CCSER1: variants seen among roughly 807,000 people sequenced by gnomAD.
CCSER1 encodes coiled-coil serine rich protein 1, also known as serine-rich coiled-coil domain-containing protein 1.
A neutral mutation model predicts 82.0 loss-of-function variants in CCSER1; 41 were observed. That is an observed-to-expected ratio of 0.50 (90% confidence interval 0.39 to 0.65). CCSER1 has a LOEUF of 0.65. Among genes scored for constraint, CCSER1 ranks in the 30% least tolerant of loss-of-function variants. CCSER1 has a pLI of 0.00. For missense variants in CCSER1, 1,119 were observed against 1,064.2 expected, an observed-to-expected ratio of 1.05 and a Z score of -0.72; for synonymous variants, 414 against 383.9, an observed-to-expected ratio of 1.08 and a Z score of -0.92.
At chr4:90,699,899 C>A (rs1172692469) in intron 6 of CCSER1, among the ~76,000 whole-genome samples, 12 of 151,896 alleles carry the variant, frequency 7.9e-5, no homozygotes, top group Admixed American at 5.9e-4. Flanking sequence ...ACCATGTGAG[C>A]GCATAGCTAG....
At chr4:91,542,294 G>T (rs1215907712) in intron 10 of CCSER1, among the ~76,000 whole-genome samples, 1 of 152,096 alleles carries the variant, frequency 6.6e-6, no homozygotes, top group Non-Finnish European at 1.5e-5. Flanking sequence ...TAGTCATGAA[G>T]TCCTTGTCCA....
chr4:90,758,072 G>A (rs1356948502), intron 7 of CCSER1, among the ~76,000 whole-genome samples: 1 of 151,870 alleles, frequency 6.6e-6, no homozygotes, highest in East Asian at 1.9e-4. Flanking sequence ...CCGAGTAGCT[G>A]GGATTTTAGG....
chr4:91,121,026 A>T (rs944798002), intron 10 of CCSER1, among the ~76,000 whole-genome samples: 1 of 151,862 alleles, frequency 6.6e-6, no homozygotes, highest in African/African-American at 2.4e-5. Flanking sequence ...ATAGAAATGG[A>T]TGTTTAATAA....
intron 10 of CCSER1, among the ~76,000 whole-genome samples, chr4:91,213,833 G>A (rs1737028182): frequency 6.6e-6 from 1 of 152,072 alleles, no homozygotes; most frequent in Non-Finnish European, 1.5e-5. Flanking sequence ...GGTATGTCAT[G>A]TTTTCTCCAC....
intron 5 of CCSER1, among the ~76,000 whole-genome samples, chr4:90,570,687 G>T (rs1478691477): frequency 6.6e-6 from 1 of 152,090 alleles, no homozygotes; most frequent in South Asian, 2.1e-4. Flanking sequence ...CAAGGTCTAG[G>T]AATGGACATG....
chr4:91,109,612 G>T (rs567067579), intron 10 of CCSER1, among the ~76,000 whole-genome samples: 1 of 152,222 alleles, frequency 6.6e-6, no homozygotes, highest in East Asian at 1.9e-4. Context: ...GAATAAAACA[G>T]GTGATAGTCA....
intron 9 of CCSER1, among the ~76,000 whole-genome samples, chr4:91,032,926 A>G (rs759366941): frequency 6.6e-6 from 1 of 152,160 alleles, no homozygotes; most frequent in Non-Finnish European, 1.5e-5. Context: ...CTAGAGCAAG[A>G]CTTCTTTGGT....
At chr4:90,218,092 T>C (rs2870041) in intron 1 of CCSER1, among the ~76,000 whole-genome samples, 95,806 of 152,114 alleles carry the variant, frequency 0.63, 31,873 homozygotes, top group African/African-American at 0.84. Context: ...TGGGTCCCCA[T>C]ACCCATCCCT....
intron 8 of CCSER1, among the ~76,000 whole-genome samples, chr4:90,892,871 T>G (rs1723154762): frequency 6.6e-6 from 1 of 152,130 alleles, no homozygotes; most frequent in African/African-American, 2.4e-5. Context: ...TTACTTCTAG[T>G]ACTATGAATT....
At chr4:90,796,304 T>A (rs1406821800) in intron 7 of CCSER1, among the ~76,000 whole-genome samples, 1 of 152,018 alleles carries the variant, frequency 6.6e-6, no homozygotes, top group Non-Finnish European at 1.5e-5. Context: ...ATTTTGATTT[T>A]TTTTTGTATT....
rs190983703 is a variant in CCSER1, at chr4:90,970,014, A to G, written c.2172+46567A>G. 4.2e-3 allele frequency among the ~76,000 whole-genome samples: 634 copies of G among 152,030 alleles called. 11 individuals are homozygous for G. Among genetic ancestry groups the G allele is most frequent in the African/African-American group, 0.015 (607 of 41,484 alleles). Reference sequence around the variant, plus strand: ...CAAAAAAAAAATCATAAAATTACAAAGGAATATGACAAGAGAAGAAGAAAG... The same window carrying G: ...CAAAAAAAAAATCATAAAATTACAAGGGAATATGACAAGAGAAGAAGAAAG... On this transcript the variant is annotated intron_variant, in intron 9 of 10. Coordinates refer to ENST00000509176, the MANE Select transcript of CCSER1 (RefSeq NM_001145065.2).
At chr4:90,173,034 G>A (rs1398089142) in intron 1 of CCSER1, among the ~76,000 whole-genome samples, 7 of 151,716 alleles carry the variant, frequency 4.6e-5, no homozygotes, top group Non-Finnish European at 1.0e-4. Context: ...CAGGGAAAGT[G>A]GCGATTTCAG....
intron 7 of CCSER1, among the ~76,000 whole-genome samples, chr4:90,725,862 G>T (rs968942336): frequency 2.0e-5 from 3 of 151,802 alleles, no homozygotes; most frequent in Admixed American, 2.0e-4. Flanking sequence ...ATAAAACTTT[G>T]ATTAAAATTA....
At chr4:91,296,935 A>G (rs1018710677) in intron 10 of CCSER1, among the ~76,000 whole-genome samples, 3 of 151,802 alleles carry the variant, frequency 2.0e-5, no homozygotes, top group Non-Finnish European at 2.9e-5. Flanking sequence ...TGAATATTAT[A>G]TTTTTTAAAA....
At chr4:90,351,291 A>C (rs1027395820) in intron 3 of CCSER1, among the ~76,000 whole-genome samples, 1 of 152,230 alleles carries the variant, frequency 6.6e-6, no homozygotes, top group Non-Finnish European at 1.5e-5. Context: ...TACCTTGTCC[A>C]GTAAATGGTT....
intron 8 of CCSER1, among the ~76,000 whole-genome samples, chr4:90,922,335 G>A (rs1728505593): frequency 6.6e-6 from 1 of 151,946 alleles, no homozygotes; most frequent in Admixed American, 6.6e-5. Context: ...AGGAAAGGAA[G>A]GGAGGTGAGG....
At chr4:90,425,607 G>A (rs973647257) in intron 4 of CCSER1, among the ~76,000 whole-genome samples, 2 of 152,176 alleles carry the variant, frequency 1.3e-5, no homozygotes, top group Non-Finnish European at 2.9e-5. Context: ...ACAGCTGCCA[G>A]AGTAATAATC....
At chr4:90,186,638 C>T (rs561568219) in intron 1 of CCSER1, among the ~76,000 whole-genome samples, 1 of 152,072 alleles carries the variant, frequency 6.6e-6, no homozygotes, top group East Asian at 1.9e-4. Context: ...TTAAATATTC[C>T]TTGAGGCCTT....
At chr4:90,445,923 A>G (rs1760586735) in intron 4 of CCSER1, among the ~76,000 whole-genome samples, 1 of 152,134 alleles carries the variant, frequency 6.6e-6, no homozygotes, top group Non-Finnish European at 1.5e-5. Context: ...TTCTCTGGAA[A>G]TTTAGCATTT....
Sources: allele counts gnomAD v4.1 joint callset (sites outside exome capture counted in the v4.1 genomes callset), GRCh38; gene constraint gnomAD v4.1.1; transcripts MANE v1.5; gene names NCBI Gene and HGNC (gene_info 2026-07-23, HGNC 2026-07-21).